Variants in EFCAB3 observed in about 807,000 individuals in gnomAD.
EFCAB3 encodes the protein EF-hand calcium-binding domain-containing protein 3.
Under a neutral mutation model 42.2 loss-of-function variants are expected in EFCAB3, and 36 were observed. The observed-to-expected ratio is 0.85, with a 90% confidence interval of 0.65 to 1.13. The LOEUF (loss-of-function observed/expected upper bound fraction) is 1.13. EFCAB3 is among the 50% of genes most tolerant of loss of function. EFCAB3 has a pLI of 0.00. For missense variants in EFCAB3, 418 were observed against 505.1 expected (o/e 0.83, Z 1.65); for synonymous variants, 170 against 172.8 (o/e 0.98, Z 0.13).
chr17:62,396,850 A>G (rs2070354260), intron 6 of EFCAB3, among the ~76,000 whole-genome samples: 1 of 151,702 alleles, frequency 6.6e-6, no homozygotes, highest in Admixed American at 6.6e-5. Context: ...CTACACTCCA[A>G]CCTGGGCAAC....
intron 6 of EFCAB3, among the ~76,000 whole-genome samples, chr17:62,399,601 G>T (rs987821629): frequency 1.3e-5 from 2 of 152,006 alleles, no homozygotes; most frequent in African/African-American, 4.8e-5. Flanking sequence ...CATCAAACAC[G>T]CTCCCACCTT....
At chr17:62,412,137 A>G (rs1327795495) in intron 8 of EFCAB3, among the ~76,000 whole-genome samples, 1 of 151,922 alleles carries the variant, frequency 6.6e-6, no homozygotes, top group Non-Finnish European at 1.5e-5. Flanking sequence ...GCACTTTTGG[A>G]GGCCAAGGCA....
chr17:62,412,226 TG>T (rs1284629368), intron 8 of EFCAB3, among the ~76,000 whole-genome samples: 1 of 150,360 alleles, frequency 6.7e-6, no homozygotes, highest in African/African-American at 2.4e-5. Flanking sequence ...AAATACAAAA[TG>T]TAGCCAGGCA....
At chr17:62,410,619 T>A (rs574736125) in intron 8 of EFCAB3, among the ~76,000 whole-genome samples, 1 of 151,998 alleles carries the variant, frequency 6.6e-6, no homozygotes, top group South Asian at 2.1e-4. Context: ...TATATATGAA[T>A]ACTGGACTAA....
chr17:62,394,047 C>A (rs138473428), intron 5 of EFCAB3, among the ~76,000 whole-genome samples: 3,272 of 152,098 alleles, frequency 0.022, 139 homozygotes, highest in African/African-American at 0.074. Context: ...CTCCGCCCCC[C>A]AGGTTCATGC....
intron 8 of EFCAB3, among the ~76,000 whole-genome samples, chr17:62,411,893 GAA>G (rs2070500887): frequency 3.5e-5 from 1 of 28,774 alleles, no homozygotes; most frequent in African/African-American, 1.1e-4. Flanking sequence ...AGGAAGGAAG[GAA>G]GGAAGGAAGG....
At chr17:62,387,955 A>G (rs1338956953) in intron 3 of EFCAB3, among the ~76,000 whole-genome samples, 1 of 152,234 alleles carries the variant, frequency 6.6e-6, no homozygotes, top group Non-Finnish European at 1.5e-5. Context: ...CTGTAATCTC[A>G]GCACTTTGGG....
chr17:62,402,472 C>T (rs2070412271), intron 6 of EFCAB3, among the ~76,000 whole-genome samples: 1 of 152,116 alleles, frequency 6.6e-6, no homozygotes, highest in Non-Finnish European at 1.5e-5. Context: ...CCATCAATAC[C>T]TAATTTATTG....
At chr17:62,385,716 CTTTT>C (rs35067521) in intron 2 of EFCAB3, among the ~76,000 whole-genome samples, 7 of 77,548 alleles carry the variant, frequency 9.0e-5, no homozygotes, top group East Asian at 3.1e-4. Flanking sequence ...TCTAGTTTTA[CTTTT>C]TTTTTTTTTT....
intron 3 of EFCAB3, 88 bp downstream of exon 3, chr17:62,387,504 G>A: frequency 1.7e-6 from 2 of 1,165,634 alleles, no homozygotes; most frequent in Middle Eastern, 2.1e-4. Flanking sequence ...GAGATTTCAA[G>A]GGTTGTCTAC....
intron 6 of EFCAB3, among the ~76,000 whole-genome samples, chr17:62,405,585 A>G (rs1034106727): frequency 6.6e-6 from 1 of 152,246 alleles, no homozygotes; most frequent in Non-Finnish European, 1.5e-5. Context: ...CAGCAGCAGT[A>G]AGCAGATCCC....
Position 62,414,583 on chromosome 17 carries a change from TTGTGTG to T in EFCAB3, c.990+753_990+758del, listed in dbSNP as rs4058759. Among the ~76,000 whole-genome samples the T allele has an allele frequency of 6.9e-4, 102 of 148,792 alleles. 1 individual carries two copies. The South Asian group carries it at 0.014, about 21-fold the overall frequency. ...TATCTCAGGTGTTTGTTTGTTTGTT[TTGTGTG>T]TGTGTGTGTGTGTGTGTGTGTGTTT... On this transcript the variant is annotated intron_variant, in intron 9 of 9. Transcript: ENST00000305286.
At chr17:62,378,022 A>C, upstream of EFCAB3, 1 of 1,548,712 alleles carries the variant, frequency 6.5e-7, no homozygotes, top group South Asian at 1.2e-5. Context: ...ATTAAAGGTG[A>C]GTGTGAAAGC....
intron 8 of EFCAB3, 43 bp downstream of exon 8, chr17:62,407,255 T>G: frequency 6.8e-7 from 1 of 1,462,408 alleles, no homozygotes; most frequent in Non-Finnish European, 9.1e-7. Context: ...ACTTGGATTT[T>G]TAAGCACTAA....
chr17:62,377,590 T>G (rs1426245018), upstream of EFCAB3, among the ~76,000 whole-genome samples: 1 of 152,192 alleles, frequency 6.6e-6, no homozygotes, highest in East Asian at 1.9e-4. Flanking sequence ...GAAATATCTA[T>G]CTCATTAAAA....
rs540192283 is a variant in EFCAB3 at position 62,395,911 on chromosome 17, T to G, written c.488+723T>G. 1.2e-4 allele frequency among the ~76,000 whole-genome samples: 19 copies of G among 152,170 alleles called. No individual in the cohort carries two copies. The South Asian group carries it at 3.7e-3, about 30-fold the overall frequency. ...TAAGTGTGTAGAATTCCACCAACAA[T>G]GTAAAAATATTCTTCTGCCCCTCAA... On this transcript the variant is annotated intron_variant, in intron 6 of 9. Coordinates refer to ENST00000305286, the MANE Select transcript of EFCAB3 (RefSeq NM_173503.4).
rs138374505 is a variant in EFCAB3 at position 62,398,702 on chromosome 17, T to TACAC, written c.488+3532_488+3535dup. On this transcript the variant is annotated intron_variant, in intron 6 of 9. Transcript: ENST00000305286. Reference sequence around the variant, plus strand: ...AAAGAAAAAATAATAATTATATATGTACACACACACACACACACACATATA... The same window carrying TACAC: ...AAAGAAAAAATAATAATTATATATGTACACACACACACACACACACACACATATA... 7.2e-3 allele frequency among the ~76,000 whole-genome samples: 1,069 copies of TACAC among 148,886 alleles called. 14 individuals carry two copies. The highest frequency in any genetic ancestry group is 0.022 in the Admixed American group (324 of 14,940).
At chr17:62,397,499 G>A (rs1345001049) in intron 6 of EFCAB3, 5 of 567,390 alleles carry the variant, frequency 8.8e-6, no homozygotes, top group Non-Finnish European at 1.7e-5. Flanking sequence ...TTTGGGCACA[G>A]CCCTGAAGGC....
intron 1 of EFCAB3, among the ~76,000 whole-genome samples, chr17:62,381,253 G>GT (rs563307379): frequency 6.7e-6 from 1 of 150,244 alleles, no homozygotes; most frequent in African/African-American, 2.5e-5. Flanking sequence ...GCGGTGTTCG[G>GT]TTTTTTGTCC....
Sources: gnomAD v4.1 joint callset for allele counts (sites outside exome capture counted in the v4.1 genomes callset) on GRCh38, gnomAD v4.1.1 for gene constraint, MANE v1.5 for transcripts, NCBI Gene and HGNC (gene_info 2026-07-23, HGNC 2026-07-21) for gene names.